ADAMTS17: variants seen among roughly 807,000 people sequenced by gnomAD.
The protein encoded by ADAMTS17 is A disintegrin and metalloproteinase with thrombospondin motifs 17.
Under a neutral mutation model 141.5 loss-of-function variants are expected in ADAMTS17, and 113 were observed. That is an observed-to-expected ratio of 0.80 (90% confidence interval 0.69 to 0.93). The LOEUF is 0.93. Ranked by LOEUF, ADAMTS17 falls within the 40% of genes least tolerant of loss-of-function variation. The pLI is 0.00. For synonymous variants in ADAMTS17, 768 were observed against 630.6 expected, an observed-to-expected ratio of 1.22 and a Z score of -3.27; for missense variants, 1,659 against 1,517.9, an observed-to-expected ratio of 1.09 and a Z score of -1.54.
At chr15:100,107,706 C>T (rs948627369) in intron 14 of ADAMTS17, among the ~76,000 whole-genome samples, 2 of 152,228 alleles carry the variant, frequency 1.3e-5, no homozygotes, top group East Asian at 3.9e-4. Flanking sequence ...TATGCGAGGA[C>T]ACAGCAAGAA....
intron 6 of ADAMTS17, 29 bp downstream of exon 6, chr15:100,261,448 CAT>C (rs1402479308): frequency 1.2e-6 from 2 of 1,613,336 alleles, no homozygotes; most frequent in Non-Finnish European, 8.5e-7. Context: ...TTCCCTCTCA[CAT>C]GTCAGCTACA....
chr15:100,089,145 A>G (rs2035291093), intron 15 of ADAMTS17, among the ~76,000 whole-genome samples: 1 of 151,892 alleles, frequency 6.6e-6, no homozygotes, highest in Non-Finnish European at 1.5e-5. Context: ...ATCTACAAGA[A>G]AAAAACAACC....
At chr15:100,106,206 C>T (rs1236244804) in intron 14 of ADAMTS17, among the ~76,000 whole-genome samples, 1 of 152,220 alleles carries the variant, frequency 6.6e-6, no homozygotes, top group Non-Finnish European at 1.5e-5. Flanking sequence ...TGGCAGCAGT[C>T]TACAGCATGA....
intron 7 of ADAMTS17, among the ~76,000 whole-genome samples, chr15:100,247,389 C>G (rs2043021059): frequency 6.6e-6 from 1 of 152,200 alleles, no homozygotes. Flanking sequence ...CAGCAAAGAA[C>G]ACTTTTGACA....
chr15:100,201,608 C>T (rs1040483983), intron 7 of ADAMTS17, among the ~76,000 whole-genome samples: 2 of 152,244 alleles, frequency 1.3e-5, no homozygotes, highest in East Asian at 1.9e-4. Context: ...GTTTCACACA[C>T]TGGGCCCAGG....
chr15:100,005,839 T>A (rs1402814551), intron 18 of ADAMTS17, among the ~76,000 whole-genome samples: 2 of 152,104 alleles, frequency 1.3e-5, no homozygotes, highest in African/African-American at 4.8e-5. Context: ...ATGGTGTCAG[T>A]GTGGCTGGTC....
intron 7 of ADAMTS17, among the ~76,000 whole-genome samples, chr15:100,248,189 C>G (rs922226955): frequency 6.6e-6 from 1 of 152,124 alleles, no homozygotes; most frequent in African/African-American, 2.4e-5. Context: ...CCTCACTGGA[C>G]AACGAAAAGG....
chr15:100,263,103 G>A (rs1369527200), intron 4 of ADAMTS17, among the ~76,000 whole-genome samples: 2 of 152,174 alleles, frequency 1.3e-5, no homozygotes, highest in East Asian at 1.9e-4. Flanking sequence ...TTGAAAAAAA[G>A]AAGGGGCAGA....
chr15:100,072,535 C>T (rs1433208640), intron 15 of ADAMTS17, among the ~76,000 whole-genome samples: 1 of 152,058 alleles, frequency 6.6e-6, no homozygotes, highest in African/African-American at 2.4e-5. Flanking sequence ...ACCAAAACAG[C>T]ATGGTACTGG....
intron 12 of ADAMTS17, among the ~76,000 whole-genome samples, chr15:100,121,222 G>A (rs548398499): frequency 2.6e-5 from 4 of 152,196 alleles, no homozygotes; most frequent in African/African-American, 7.2e-5. Context: ...GGACACCATC[G>A]AGTGGATCAA....
chr15:100,074,340 G>A (rs75392080), intron 15 of ADAMTS17: 2 of 152,076 alleles, frequency 1.3e-5, no homozygotes, highest in Admixed American at 6.6e-5. Context: ...CGGTTATATA[G>A]AGTGTATAAT....
chr15:100,207,821 G>C (rs1021059992), intron 7 of ADAMTS17, among the ~76,000 whole-genome samples: 3 of 152,120 alleles, frequency 2.0e-5, no homozygotes, highest in Admixed American at 6.5e-5. Context: ...AGGGAGGTGA[G>C]AGAATCATGA....
At chr15:100,231,206 C>T (rs932191311) in intron 7 of ADAMTS17, among the ~76,000 whole-genome samples, 1 of 152,194 alleles carries the variant, frequency 6.6e-6, no homozygotes, top group African/African-American at 2.4e-5. Flanking sequence ...GCCTACGTTG[C>T]TTCAAATTCT....
At chr15:100,073,618 A>G (rs1427394422) in intron 15 of ADAMTS17, among the ~76,000 whole-genome samples, 1 of 152,030 alleles carries the variant, frequency 6.6e-6, no homozygotes, top group African/African-American at 2.4e-5. Flanking sequence ...TTGTAGGGAC[A>G]TGGATGAAGC....
At chr15:100,262,537 A>C (rs906187178) in intron 4 of ADAMTS17, 102 bp from the exon 5 acceptor site, 41 of 823,246 alleles carry the variant, frequency 5.0e-5, no homozygotes, top group Non-Finnish European at 4.2e-5. Context: ...GAGATTATGT[A>C]AAAATAAGGA....
At chr15:100,031,582 C>G (rs557777151) in intron 18 of ADAMTS17, among the ~76,000 whole-genome samples, 1 of 152,186 alleles carries the variant, frequency 6.6e-6, no homozygotes, top group South Asian at 2.1e-4. Flanking sequence ...CCTTCATCAA[C>G]GGAGCATCTG....
rs912791949 is a variant in ADAMTS17 at position 100,274,813 on chromosome 15, T to C, written c.789+6416A>G. On this transcript the variant is annotated intron_variant, in intron 4 of 21. Coordinates refer to ENST00000268070, the MANE Select transcript of ADAMTS17 (RefSeq NM_139057.4). Reference sequence around the variant, plus strand: ...TGATTTTCTTTTATATGTATACATATATTTTTTTTTGGTAGTGAAACTTTT... The same window carrying C: ...TGATTTTCTTTTATATGTATACATACATTTTTTTTTGGTAGTGAAACTTTT... Among the ~76,000 whole-genome samples the C allele has an allele frequency of 4.6e-5, 7 of 151,278 alleles. No individual in the cohort carries two copies. The East Asian group carries it at 9.6e-4, about 21-fold the overall frequency.
Position 100,263,699 on chromosome 15 carries a change from G to A in ADAMTS17, c.790-1264C>T, listed in dbSNP as rs79503927. Among the ~76,000 whole-genome samples the A allele has an allele frequency of 5.4e-4, 82 of 152,364 alleles. 7 individuals are homozygous for A. In the East Asian group the frequency reaches 0.016, roughly 29 times the overall value. On this transcript the variant is annotated intron_variant, in intron 4 of 21. Coordinates refer to ENST00000268070, the MANE Select transcript of ADAMTS17 (RefSeq NM_139057.4). ...TTGCGAGAGGTACGCGGAGAGCATA[G>A]TAAAGGTAGTGGCAGATGGAAGGTT...
At chr15:100,020,338 C>A (rs1450061884) in intron 18 of ADAMTS17, among the ~76,000 whole-genome samples, 1 of 152,206 alleles carries the variant, frequency 6.6e-6, no homozygotes, top group Non-Finnish European at 1.5e-5. Flanking sequence ...TGAGGCAGCT[C>A]GCTTGTCCTG....
Sources: gnomAD v4.1 joint callset for allele counts (sites outside exome capture counted in the v4.1 genomes callset) on GRCh38, gnomAD v4.1.1 for gene constraint, MANE v1.5 for transcripts, NCBI Gene and HGNC (gene_info 2026-07-23, HGNC 2026-07-21) for gene names.